Variants in MEGF9 observed in about 807,000 individuals in gnomAD.
The protein encoded by MEGF9 is multiple epidermal growth factor-like domains protein 9.
MEGF9 carries 6 observed loss-of-function variants against 46.8 expected under a neutral mutation model. That is an observed-to-expected ratio of 0.13 (90% CI 0.07 to 0.25). The LOEUF (loss-of-function observed/expected upper bound fraction) is 0.25, where lower values mean the gene tolerates loss of function less well. Ranked by LOEUF, MEGF9 falls within the 10% of genes least tolerant of loss-of-function variation. MEGF9 has a pLI of 1.00. For missense variants in MEGF9, 683 were observed against 792.4 expected (o/e 0.86, Z 1.66); for synonymous variants, 302 against 330.7 (o/e 0.91, Z 0.94).
rs183907884 is a variant in MEGF9, at chr9:120,629,723, C to G, written c.804-6968G>C. Among the ~76,000 whole-genome samples the G allele has an allele frequency of 8.0e-4, 122 of 152,098 alleles. 1 individual carries two copies. Among genetic ancestry groups the G allele is most frequent in the African/African-American group, 2.8e-3 (115 of 41,490 alleles). On this transcript the variant is annotated intron_variant, in intron 2 of 5. Transcript: ENST00000373930. ...CCAAGGAGGATGGACCACCTGAGGT[C>G]AGGAGTTCAAGACCATCCTGGACAA...
At chr9:120,669,704 A>T (rs1227788985) in intron 1 of MEGF9, among the ~76,000 whole-genome samples, 1 of 152,168 alleles carries the variant, frequency 6.6e-6, no homozygotes, top group East Asian at 1.9e-4. Context: ...ACATAAGGCA[A>T]AATGACAGCA....
rs1587970532 is a variant in MEGF9, at chr9:120,604,918, A to G, written c.*272T>C. 3 of 429,372 alleles carry G rather than the reference A, an allele frequency of 7.0e-6. No homozygotes were observed. In the East Asian group the frequency reaches 1.2e-4, roughly 18 times the overall value. The allele number at this position is 429,372 out of a possible 1,614,324, so 26.6% of individuals were successfully genotyped here. ...GGAGGTCAAAGTGGTTTTGGGCTGCACTATGGGGTTCAGCCTTTCCATACT... is the reference window on the plus strand; with the variant it reads ...GGAGGTCAAAGTGGTTTTGGGCTGCGCTATGGGGTTCAGCCTTTCCATACT... On this transcript the variant is annotated 3_prime_UTR_variant, in exon 6 of 6. Transcript: ENST00000373930.
chr9:120,667,790 C>T (rs1587989734), intron 1 of MEGF9, among the ~76,000 whole-genome samples: 4 of 152,216 alleles, frequency 2.6e-5, no homozygotes, highest in African/African-American at 4.8e-5. Context: ...CTTTGGGAGG[C>T]CAAGGTGGGC....
chr9:120,712,658 G>A (rs1337759506), intron 1 of MEGF9, among the ~76,000 whole-genome samples: 5 of 152,074 alleles, frequency 3.3e-5, no homozygotes, highest in Non-Finnish European at 7.4e-5. Flanking sequence ...TAACCATGTG[G>A]GAAAATTCTC....
At chr9:120,628,266 A>T (rs955048006) in intron 2 of MEGF9, among the ~76,000 whole-genome samples, 6 of 152,196 alleles carry the variant, frequency 3.9e-5, no homozygotes, top group Admixed American at 2.0e-4. Context: ...GCAAAAGATT[A>T]TCTGAATTTA....
chr9:120,675,082 C>CA (rs1564425547), intron 1 of MEGF9, among the ~76,000 whole-genome samples: 1 of 152,160 alleles, frequency 6.6e-6, no homozygotes, highest in East Asian at 1.9e-4. Context: ...CCATATGACC[C>CA]AATAACTGCT....
At chr9:120,681,398 C>A (rs534602424) in intron 1 of MEGF9, among the ~76,000 whole-genome samples, 1 of 152,236 alleles carries the variant, frequency 6.6e-6, no homozygotes, top group Non-Finnish European at 1.5e-5. Context: ...GAGCTTGTAT[C>A]CAAGATGCAA....
At chr9:120,711,120 T>C (rs887246488) in intron 1 of MEGF9, among the ~76,000 whole-genome samples, 6 of 152,254 alleles carry the variant, frequency 3.9e-5, no homozygotes, top group Non-Finnish European at 8.8e-5. Context: ...AATTGGATTC[T>C]AAGCAACTCC....
chr9:120,608,192 T>C (rs1413056250), intron 4 of MEGF9, among the ~76,000 whole-genome samples, 182 bp from the exon 5 acceptor site: 1 of 152,160 alleles, frequency 6.6e-6, no homozygotes, highest in African/African-American at 2.4e-5. Context: ...TGTTTCTAAT[T>C]TGTTTTTTAT....
chr9:120,700,639 C>T (rs182074517), intron 1 of MEGF9, among the ~76,000 whole-genome samples: 1 of 152,222 alleles, frequency 6.6e-6, no homozygotes, highest in South Asian at 2.1e-4. Context: ...TCCTTCCCCC[C>T]CCGTTATTTC....
At position 120,637,471 on chromosome 9, in the gene MEGF9, A is replaced by T. The variant is rs1362816041; in HGVS notation, c.804-14716T>A. Among the ~76,000 whole-genome samples, 6 of 151,316 alleles carry T rather than the reference A, an allele frequency of 4.0e-5. No individual in the cohort carries two copies. In the East Asian group the frequency reaches 9.6e-4, roughly 24 times the overall value. On this transcript the variant is annotated intron_variant, in intron 2 of 5. Coordinates refer to ENST00000373930, the MANE Select transcript of MEGF9 (RefSeq NM_001080497.3). ...AGAGAGAAGAAATTTTAAAGAATAA[A>T]GTATGTATTCTGCTTTAAAAAAAAA...
intron 1 of MEGF9, among the ~76,000 whole-genome samples, chr9:120,667,805 C>T (rs2043731730): frequency 6.6e-6 from 1 of 152,216 alleles, no homozygotes; most frequent in Admixed American, 6.5e-5. Flanking sequence ...GTGGGCAGAT[C>T]ACCGGAGGTC....
At chr9:120,647,721 A>C (rs975417164) in intron 2 of MEGF9, among the ~76,000 whole-genome samples, 3 of 152,220 alleles carry the variant, frequency 2.0e-5, no homozygotes, top group Admixed American at 1.3e-4. Context: ...CACACAACGA[A>C]TATACAAATG....
chr9:120,668,792 G>T (rs568969276), intron 1 of MEGF9, among the ~76,000 whole-genome samples: 3 of 152,248 alleles, frequency 2.0e-5, no homozygotes, highest in East Asian at 3.9e-4. Context: ...TGTGATGCAG[G>T]TACCTTAAGC....
intron 1 of MEGF9, among the ~76,000 whole-genome samples, chr9:120,708,665 G>T (rs564959067): frequency 1.2e-4 from 19 of 152,178 alleles, no homozygotes; most frequent in African/African-American, 4.3e-4. Context: ...AATTTATTCT[G>T]CCCTATGAGG....
chr9:120,633,545 C>CA (rs1454399875), intron 2 of MEGF9, among the ~76,000 whole-genome samples: 1 of 151,894 alleles, frequency 6.6e-6, no homozygotes, highest in African/African-American at 2.4e-5. Context: ...TCAAAGCCAA[C>CA]TTTTTATTTA....
At chr9:120,616,257 A>G (rs1458590079) in intron 3 of MEGF9, among the ~76,000 whole-genome samples, 1 of 151,966 alleles carries the variant, frequency 6.6e-6, no homozygotes, top group Admixed American at 6.5e-5. Flanking sequence ...TATATATTTA[A>G]TAATTATTTA....
intron 1 of MEGF9, among the ~76,000 whole-genome samples, chr9:120,677,966 TTCTCTA>T (rs746801931): frequency 1.3e-5 from 2 of 152,232 alleles, no homozygotes; most frequent in Admixed American, 6.5e-5. Flanking sequence ...TATCTTTCTA[TTCTCTA>T]TCTCTATGAG....
chr9:120,682,327 G>T (rs1362824876), intron 1 of MEGF9, among the ~76,000 whole-genome samples: 1 of 152,138 alleles, frequency 6.6e-6, no homozygotes, highest in Non-Finnish European at 1.5e-5. Context: ...GACCAGATTT[G>T]CCTTACTGTC....
Sources: gnomAD v4.1 joint callset for allele counts (sites outside exome capture counted in the v4.1 genomes callset) on GRCh38, gnomAD v4.1.1 for gene constraint, MANE v1.5 for transcripts, NCBI Gene and HGNC (gene_info 2026-07-23, HGNC 2026-07-21) for gene names.